The following QTGAL variants were observed in gnomAD, a reference collection of about 807,000 sequenced individuals.
QTGAL encodes the protein BGnT-like protein 1.
At chr17:83,033,391 A>T in the QTGAL span, among the ~76,000 whole-genome samples, 1 of 151,804 alleles carries the variant, frequency 6.6e-6, no homozygotes, top group Non-Finnish European at 1.5e-5. Context: ...AGTGAAGGAC[A>T]CTCTTCAGGC....
the QTGAL span, chr17:82,945,420 C>G: frequency 6.6e-6 from 1 of 152,154 alleles, no homozygotes; most frequent in Non-Finnish European, 1.5e-5. Flanking sequence ...AGTGAAACTG[C>G]AGAACTGTAA....
chr17:83,010,186 G>A, the QTGAL span, among the ~76,000 whole-genome samples: 34 of 152,152 alleles, frequency 2.2e-4, no homozygotes, highest in East Asian at 3.5e-3. Flanking sequence ...CCAGGCAGGC[G>A]GCTCTTCTCC....
chr17:82,973,380 T>C, the QTGAL span, among the ~76,000 whole-genome samples: 3 of 152,348 alleles, frequency 2.0e-5, no homozygotes, highest in East Asian at 3.8e-4. Context: ...GACAAACTTT[T>C]AAGGAAAAGA....
chr17:83,048,717 C>G, the QTGAL span: 4 of 1,614,046 alleles, frequency 2.5e-6, no homozygotes, highest in Non-Finnish European at 2.5e-6. Flanking sequence ...CTTCAAAGTC[C>G]TGTTGCAAAA....
chr17:83,048,167 C>T, the QTGAL span, among the ~76,000 whole-genome samples: 1 of 152,186 alleles, frequency 6.6e-6, no homozygotes, highest in East Asian at 1.9e-4. Flanking sequence ...GTTGGGATTA[C>T]AGGCGTGTGC....
the QTGAL span, among the ~76,000 whole-genome samples, chr17:83,016,303 C>A: frequency 6.6e-6 from 1 of 152,130 alleles, no homozygotes. Flanking sequence ...CTAAGATGAA[C>A]TAAAATACCC....
the QTGAL span, among the ~76,000 whole-genome samples, chr17:82,950,144 C>G: frequency 6.6e-6 from 1 of 152,230 alleles, no homozygotes. Context: ...ACACTGCCAG[C>G]TGCCCCTGGA....
At chr17:82,947,322 T>TC in the QTGAL span, 1 of 286,114 alleles carries the variant, frequency 3.5e-6, no homozygotes, top group Non-Finnish European at 6.5e-6. Flanking sequence ...AGACCCACCT[T>TC]CCCTCCACAC....
At chr17:83,009,962 G>A in the QTGAL span, among the ~76,000 whole-genome samples, 2 of 147,562 alleles carry the variant, frequency 1.4e-5, no homozygotes, top group Admixed American at 1.3e-4. Context: ...TGTGGGGGAG[G>A]GGAGCTGTGG....
the QTGAL span, chr17:83,005,160 G>A: frequency 6.2e-7 from 1 of 1,610,938 alleles, no homozygotes; most frequent in Non-Finnish European, 8.5e-7. This position sits in a 1 kb window ranked among gnomAD's most constrained non-coding sequence, Gnocchi z 5.6. Flanking sequence ...TCCAACGTGT[G>A]TATCGTTCGG....
At chr17:83,013,684 C>T in the QTGAL span, among the ~76,000 whole-genome samples, 4 of 151,952 alleles carry the variant, frequency 2.6e-5, no homozygotes, top group Admixed American at 6.5e-5. Context: ...CAACCGCACA[C>T]GTGCCCACGA....
the QTGAL span, among the ~76,000 whole-genome samples, chr17:83,025,167 G>A: frequency 2.1e-5 from 2 of 96,082 alleles, no homozygotes; most frequent in African/African-American, 3.2e-5. Context: ...AGACACCGCG[G>A]AGTCCACACA....
the QTGAL span, among the ~76,000 whole-genome samples, chr17:82,991,966 G>A: frequency 1.3e-5 from 2 of 152,050 alleles, no homozygotes; most frequent in South Asian, 2.1e-4. Context: ...TCAAGCAGAA[G>A]AATTAGTGAG....
the QTGAL span, among the ~76,000 whole-genome samples, chr17:83,016,022 G>A: frequency 6.6e-6 from 1 of 152,182 alleles, no homozygotes; most frequent in Non-Finnish European, 1.5e-5. Flanking sequence ...AGTCGAGGTG[G>A]GGGCATGGGT....
At chr17:82,985,976 G>A in the QTGAL span, among the ~76,000 whole-genome samples, 2 of 152,316 alleles carry the variant, frequency 1.3e-5, no homozygotes, top group African/African-American at 4.8e-5. Flanking sequence ...AGGAGGGTCC[G>A]GGCCTGTTCT....
the QTGAL span, chr17:82,978,461 G>C: frequency 6.6e-6 from 1 of 152,050 alleles, no homozygotes; most frequent in Non-Finnish European, 1.5e-5. This position sits in a 1 kb window ranked among gnomAD's most constrained non-coding sequence, Gnocchi z 4.8. Flanking sequence ...GTGTCTCCTG[G>C]ATTCCGCTGC....
chr17:82,948,646 G>A, the QTGAL span: 2 of 152,382 alleles, frequency 1.3e-5, no homozygotes, highest in East Asian at 3.9e-4. Context: ...TATGGTTTAG[G>A]GATGTGTTCA....
At chr17:82,984,035 C>T in the QTGAL span, among the ~76,000 whole-genome samples, 203 of 128,836 alleles carry the variant, frequency 1.6e-3, 1 homozygote, top group African/African-American at 5.5e-3. Context: ...GGAGAGGCCA[C>T]GTGAGCACAC....
At chr17:83,035,494 T>C in the QTGAL span, among the ~76,000 whole-genome samples, 1 of 152,162 alleles carries the variant, frequency 6.6e-6, no homozygotes, top group Non-Finnish European at 1.5e-5. Context: ...ATAAGAAAGC[T>C]AGGAACATTT....
Sources: allele counts gnomAD v4.1 joint callset (sites outside exome capture counted in the v4.1 genomes callset), GRCh38; gene constraint gnomAD v4.1.1; non-coding constraint Gnocchi (gnomAD v3.1); transcripts MANE v1.5; gene names NCBI Gene and HGNC (gene_info 2026-07-23, HGNC 2026-07-21).